SRSF11: variants seen among roughly 807,000 people sequenced by gnomAD.
The protein encoded by SRSF11 is serine and arginine rich splicing factor 11.
Under a neutral mutation model 56.0 loss-of-function variants are expected in SRSF11, and 9 were observed. That is an observed-to-expected ratio of 0.16 (90% CI 0.10 to 0.28). The LOEUF is 0.28. Among genes scored for constraint, SRSF11 ranks in the 10% least tolerant of loss-of-function variants. The probability of loss-of-function intolerance (pLI) is 1.00; values close to 1 mark genes in which losing one functional copy is unlikely to be tolerated. For synonymous variants in SRSF11, 222 were observed against 215.3 expected, an observed-to-expected ratio of 1.03 and a Z score of -0.27; for missense variants, 421 against 600.7, an observed-to-expected ratio of 0.70 and a Z score of 3.13.
At chr1:70,222,684 G>A (rs564610546) in intron 1 of SRSF11, 2 of 152,288 alleles carry the variant, frequency 1.3e-5, no homozygotes, top group African/African-American at 2.4e-5. Context: ...AGACTTATTG[G>A]TGGAGAAGTG....
At chr1:70,243,366 A>C (rs1023256337) in intron 7 of SRSF11, among the ~76,000 whole-genome samples, 3 of 142,438 alleles carry the variant, frequency 2.1e-5, no homozygotes, top group African/African-American at 8.2e-5. Flanking sequence ...AAAAAAAAAA[A>C]AAAAAAACAC....
rs1674916795 is a variant in SRSF11, at chr1:70,239,790, G to T, written c.800+270G>T. ...CAAAATGAAAAATAATTGATTCATT[G>T]AATTATACAAGTTTCCAAATACTGA... On this transcript the variant is annotated intron_variant, in intron 7 of 11. Transcript: ENST00000370949. 2.6e-5 allele frequency among the ~76,000 whole-genome samples: 4 copies of T among 152,162 alleles called. No homozygotes were observed. The South Asian group carries it at 8.3e-4, about 32-fold the overall frequency.
Position 70,252,589 on chromosome 1 carries a change from A to AGT in SRSF11, c.*1784_*1785insGT, listed in dbSNP as rs1302565919. 1 of 662 alleles carries AGT rather than the reference A, an allele frequency of 1.5e-3. No individual in the cohort carries two copies. The highest frequency in any genetic ancestry group is 5.6e-3 in the Non-Finnish European group (1 of 180). The allele number at this position is 662 out of a possible 1,614,324, so 0.0% of individuals were successfully genotyped here. On this transcript the variant is annotated 3_prime_UTR_variant, in exon 12 of 12. Transcript: ENST00000370949. ...ACTTTTTAAAGATTTTATCAAAAAGAATTGTCTATAGTGAGTAAAAGAAGT... is the reference window on the plus strand; with the variant it reads ...ACTTTTTAAAGATTTTATCAAAAAGAGTATTGTCTATAGTGAGTAAAAGAAGT...
In SRSF11 at chr1:70,237,477, T is replaced by A. The variant is rs1230867213; in HGVS notation, c.643T>A (p.Ser215Thr). The change falls in exon 6 of 12, where the codon TCT becomes ACT. Residue 215 changes from serine to threonine, a missense_variant. Ser to Thr is a moderately conservative substitution (Grantham distance 58). Coordinates refer to ENST00000370949, the MANE Select transcript of SRSF11 (RefSeq NM_001350605.2). ...LVSPSLKSDT[S>T]SKEIEEAMKR... ...TTCACCAAGTCTGAAATCGGATACC[T>A]CTAGTAAAGAAATAGAGGAAGCTAT... 1 of 1,613,966 alleles carries A rather than the reference T, an allele frequency of 6.2e-7. No individual in the cohort carries two copies. The highest frequency in any genetic ancestry group is 1.7e-5 in the Admixed American group (1 of 59,990).
At chr1:70,237,863 T>TA (rs1674463934) in intron 6 of SRSF11, among the ~76,000 whole-genome samples, 1 of 152,378 alleles carries the variant, frequency 6.6e-6, no homozygotes, top group Middle Eastern at 3.4e-3. Context: ...AACGATATTT[T>TA]GTTTTTCTTA....
rs1670576576 is a variant in SRSF11 at position 70,221,423 on chromosome 1, C to A, written c.-214C>A. On this transcript the variant is annotated 5_prime_UTR_variant, in exon 1 of 12. Transcript: ENST00000370949. ...GAGGTGGGGCGGCCGTTTGTTTTCTCGTGGTCTCGAGCTCGCGCGCTCTCA... is the reference window on the plus strand; with the variant it reads ...GAGGTGGGGCGGCCGTTTGTTTTCTAGTGGTCTCGAGCTCGCGCGCTCTCA... The A allele has an allele frequency of 3.9e-4, 201 of 522,028 alleles. No homozygotes were observed. The highest frequency in any genetic ancestry group is 5.3e-4 in the Middle Eastern group (1 of 1,900). 32.3% of individuals were successfully genotyped at this position (522,028 alleles called of 1,614,324 possible). A position where few individuals can be genotyped will look rare whatever the true frequency, so the allele number is the denominator to read the frequency against.
In SRSF11 at chr1:70,211,979, C is replaced by T. The variant is rs187935468; in HGVS notation, c.-26+6199C>T. ...TCTCATCCCTCCCCTAAAATAATTACTTGATCAATATCTCCAAGTGCTTTA... is the reference window on the plus strand; with the variant it reads ...TCTCATCCCTCCCCTAAAATAATTATTTGATCAATATCTCCAAGTGCTTTA... On this transcript the variant is annotated intron_variant, in intron 1 of 12. Transcript: ENST00000370950. Among the ~76,000 whole-genome samples the T allele has an allele frequency of 3.2e-3, 494 of 152,230 alleles. 2 individuals carry two copies. The highest frequency in any genetic ancestry group is 0.018 in the South Asian group (85 of 4,824).
intron 1 of SRSF11, among the ~76,000 whole-genome samples, chr1:70,222,201 T>G (rs941976003): frequency 6.6e-6 from 1 of 152,202 alleles, no homozygotes; most frequent in Non-Finnish European, 1.5e-5. Flanking sequence ...GTTCTTTGCG[T>G]TCTTGGAAGA....
intron 7 of SRSF11, among the ~76,000 whole-genome samples, chr1:70,240,552 A>G (rs879334472): frequency 4.6e-5 from 7 of 152,182 alleles, no homozygotes; most frequent in Admixed American, 4.6e-4. Context: ...AGTTGTGCAA[A>G]CGACAATATA....
chr1:70,224,312 A>G (rs1428208311), intron 1 of SRSF11, among the ~76,000 whole-genome samples: 1 of 152,068 alleles, frequency 6.6e-6, no homozygotes, highest in Non-Finnish European at 1.5e-5. Flanking sequence ...TCCCCTAGAC[A>G]TATCTGTGAC....
chr1:70,213,576 T>C (rs998611349), intron 1 of SRSF11, among the ~76,000 whole-genome samples: 1 of 152,200 alleles, frequency 6.6e-6, no homozygotes, highest in East Asian at 1.9e-4. Context: ...ATGTAGTACC[T>C]GGTTTGGTTT....
At chr1:70,241,262 G>A (rs1001697773) in intron 7 of SRSF11, among the ~76,000 whole-genome samples, 5 of 152,142 alleles carry the variant, frequency 3.3e-5, no homozygotes, top group African/African-American at 4.8e-5. Flanking sequence ...ACTTTGTCAC[G>A]TCTCTATTAA....
At chr1:70,213,967 G>A (rs958457990) in intron 1 of SRSF11, among the ~76,000 whole-genome samples, 8 of 152,106 alleles carry the variant, frequency 5.3e-5, no homozygotes, top group Admixed American at 5.2e-4. Flanking sequence ...GAAATGTACT[G>A]ATTTGAGTAC....
intron 1 of SRSF11, among the ~76,000 whole-genome samples, chr1:70,223,672 A>G (rs1671127368): frequency 6.6e-6 from 1 of 152,194 alleles, no homozygotes; most frequent in Admixed American, 6.5e-5. Flanking sequence ...AATAAGTTAA[A>G]TGTTATTAGT....
intron 2 of SRSF11, chr1:70,231,333 C>T (rs771116813): frequency 3.0e-5 from 35 of 1,148,962 alleles, no homozygotes; most frequent in Non-Finnish European, 3.7e-5. Context: ...CAGATTAATC[C>T]ATCTGTATAG....
chr1:70,206,824 T>C (rs966715326), intron 1 of SRSF11, among the ~76,000 whole-genome samples: 21 of 151,830 alleles, frequency 1.4e-4, no homozygotes, highest in Admixed American at 4.6e-4. Flanking sequence ...TTTACACTAA[T>C]ATCGAACAAG....
chr1:70,233,293 G>A (rs934472601), intron 3 of SRSF11, among the ~76,000 whole-genome samples: 8 of 151,782 alleles, frequency 5.3e-5, no homozygotes, highest in African/African-American at 1.5e-4. Context: ...CACCCAGGCC[G>A]GAGTGCAATA....
chr1:70,209,137 A>AGG (rs946470749), intron 1 of SRSF11, among the ~76,000 whole-genome samples: 4 of 152,230 alleles, frequency 2.6e-5, no homozygotes, highest in African/African-American at 9.6e-5. Context: ...CATTGGCCAA[A>AGG]GGGTACAGTT....
At chr1:70,242,949 A>C (rs996195242) in intron 7 of SRSF11, among the ~76,000 whole-genome samples, 1 of 152,186 alleles carries the variant, frequency 6.6e-6, no homozygotes, top group African/African-American at 2.4e-5. Flanking sequence ...AGTAGATAAA[A>C]ACATCTTAGG....
Sources: gnomAD v4.1 joint callset for allele counts (sites outside exome capture counted in the v4.1 genomes callset) on GRCh38, gnomAD v4.1.1 for gene constraint, MANE v1.5 for transcripts, NCBI Gene and HGNC (gene_info 2026-07-23, HGNC 2026-07-21) for gene names.